DPY19L1: variants seen among roughly 807,000 people sequenced by gnomAD.
DPY19L1 encodes the protein dpy-19 like C-mannosyltransferase 1, also known as protein C-mannosyl-transferase DPY19L1.
DPY19L1 carries 35 observed loss-of-function variants against 96.9 expected under a neutral mutation model. The ratio of observed to expected loss-of-function variants is 0.36; its 90% CI spans 0.28 to 0.48. DPY19L1 has a LOEUF of 0.48. DPY19L1 is among the 20% of genes least tolerant of loss of function. The probability of loss-of-function intolerance (pLI) is 0.99; values close to 1 mark genes in which losing one functional copy is unlikely to be tolerated. For missense variants in DPY19L1, 521 were observed against 777.9 expected (o/e 0.67, Z 3.93); for synonymous variants, 205 against 252.6 (o/e 0.81, Z 1.79).
chr7:35,030,038 G>A (rs1786223279), intron 1 of DPY19L1, among the ~76,000 whole-genome samples: 1 of 152,050 alleles, frequency 6.6e-6, no homozygotes, highest in Non-Finnish European at 1.5e-5. Context: ...ACATTCCCAT[G>A]GATATGAAAG....
chr7:34,931,901 C>T (rs1484256246), intron 21 of DPY19L1, among the ~76,000 whole-genome samples, 172 bp from the exon 22 acceptor site: 1 of 152,174 alleles, frequency 6.6e-6, no homozygotes, highest in Non-Finnish European at 1.5e-5. Context: ...CCATGACTCA[C>T]CTTAGGACAA....
At chr7:35,017,444 G>A (rs1379817225) in intron 3 of DPY19L1, among the ~76,000 whole-genome samples, 2 of 144,664 alleles carry the variant, frequency 1.4e-5, no homozygotes, top group Non-Finnish European at 3.0e-5. Flanking sequence ...GCAGTGAGCC[G>A]AGATTGTGCC....
rs1224175305 is a variant in DPY19L1 at position 35,017,917 on chromosome 7, T to C, written c.376A>G (p.Thr126Ala). ...ENDRHFSHLS[T>A]LEREMAFRTE... ...CGAAAAGCCATCTCCCTTTCCAATG[T>C]TGAGAGGTGAGAAAAATGACGGTCA... The change falls in exon 3 of 22, where the codon ACA (threonine) becomes GCA (alanine). Residue 126 changes from threonine (T) to alanine (A), a missense_variant. Physicochemically the swap from Thr to Ala is moderately conservative, Grantham distance 58 (BLOSUM62 0). Transcript: ENST00000638088. 3 of 1,607,366 alleles carry C rather than the reference T, an allele frequency of 1.9e-6. No individual in the cohort carries two copies. Among genetic ancestry groups the C allele is most frequent in the Non-Finnish European group, 2.5e-6 (3 of 1,176,562 alleles).
At chr7:35,033,856 G>T (rs1786322980) in intron 1 of DPY19L1, among the ~76,000 whole-genome samples, 1 of 152,002 alleles carries the variant, frequency 6.6e-6, no homozygotes, top group Non-Finnish European at 1.5e-5. Context: ...GGGTACAATG[G>T]CCAAAATCTG....
At chr7:34,991,483 G>C (rs1584241484) in intron 6 of DPY19L1, among the ~76,000 whole-genome samples, 1 of 152,200 alleles carries the variant, frequency 6.6e-6, no homozygotes, top group Non-Finnish European at 1.5e-5. Context: ...GGACGCCAGG[G>C]TTCTCTCCTG....
intron 10 of DPY19L1, among the ~76,000 whole-genome samples, chr7:34,960,140 A>G (rs1453926208): frequency 6.6e-6 from 1 of 151,426 alleles, no homozygotes; most frequent in Non-Finnish European, 1.5e-5. Flanking sequence ...TCCATATTCT[A>G]GAAGTTTTAT....
At position 35,037,448 on chromosome 7, in the gene DPY19L1, G is replaced by A. The variant is rs1334084964; in HGVS notation, c.-54C>T. 6.4e-6 allele frequency: 2 copies of A among 312,554 alleles called. No individual in the cohort carries two copies. The highest frequency in any genetic ancestry group is 2.2e-5 in the African/African-American group (1 of 45,152). The allele number at this position is 312,554 out of a possible 1,614,324, so 19.4% of individuals were successfully genotyped here. A position where few individuals can be genotyped will look rare whatever the true frequency, so the allele number is the denominator to read the frequency against. On this transcript the variant is annotated 5_prime_UTR_variant, in exon 1 of 22. Coordinates refer to ENST00000638088, the MANE Select transcript of DPY19L1 (RefSeq NM_001366673.1). ...CGCGCCCGGACGGCGGCCAGAGAAC[G>A]GCGGGCTGGCTGGGCGGCTGGGCGC...
At chr7:34,957,432 CA>C (rs1247766508) in intron 11 of DPY19L1, among the ~76,000 whole-genome samples, 3 of 152,052 alleles carry the variant, frequency 2.0e-5, no homozygotes, top group Non-Finnish European at 4.4e-5. Flanking sequence ...CCATATGTAG[CA>C]GAAAGAATTA....
chr7:35,031,112 C>A (rs1422808525), intron 1 of DPY19L1, among the ~76,000 whole-genome samples: 1 of 152,154 alleles, frequency 6.6e-6, no homozygotes, highest in Non-Finnish European at 1.5e-5. Context: ...CCATTTGGAA[C>A]TATGTACACA....
chr7:34,954,719 T>A lies in DPY19L1; in HGVS notation c.1299A>T (p.Lys433Asn). The change falls in exon 13 of 22, where the codon AAA (lysine) becomes AAT (asparagine). Residue 433 changes from lysine (K) to asparagine (N), a missense_variant. Transcript: ENST00000638088. ...TTACGTCATCTGCAATACCAAAAAT[T>A]TTAGATGTCAAGTATTTAAGTATGA... ...GTVILKYLTS[K>N]IFGIADDAHI... 1 of 1,565,764 alleles carries A rather than the reference T, an allele frequency of 6.4e-7. No individual in the cohort carries two copies. Among genetic ancestry groups the A allele is most frequent in the Non-Finnish European group, 8.7e-7 (1 of 1,148,486 alleles).
chr7:34,929,528 C>T lies in DPY19L1; in HGVS notation c.*2045G>A, dbSNP rs780802229. On this transcript the variant is annotated 3_prime_UTR_variant, in exon 22 of 22. Transcript: ENST00000638088. ...AGAATTTCTACTTATTACATGTGAACTTCTTTGGAAGGAAATTACTGGGGG... is the reference window on the plus strand; with the variant it reads ...AGAATTTCTACTTATTACATGTGAATTTCTTTGGAAGGAAATTACTGGGGG... 7 of 152,088 alleles carry T rather than the reference C, an allele frequency of 4.6e-5. No individual in the cohort carries two copies. The highest frequency in any genetic ancestry group is 7.4e-5 in the Non-Finnish European group (5 of 68,004). 9.4% of individuals were successfully genotyped at this position (152,088 alleles called of 1,614,324 possible).
At chr7:35,020,370 T>C (rs935765496) in intron 1 of DPY19L1, among the ~76,000 whole-genome samples, 1 of 152,216 alleles carries the variant, frequency 6.6e-6, no homozygotes, top group Non-Finnish European at 1.5e-5. Flanking sequence ...AGAGCCTTCA[T>C]ATCCATAAAT....
At chr7:34,999,578 G>T (rs988946036) in intron 6 of DPY19L1, among the ~76,000 whole-genome samples, 1 of 152,158 alleles carries the variant, frequency 6.6e-6, no homozygotes, top group Non-Finnish European at 1.5e-5. Context: ...AACTCCAAGG[G>T]AATCGCTAAA....
intron 17 of DPY19L1, among the ~76,000 whole-genome samples, chr7:34,942,248 G>A (rs1188756801): frequency 6.6e-6 from 1 of 152,108 alleles, no homozygotes; most frequent in African/African-American, 2.4e-5. Flanking sequence ...CTCAAAACCA[G>A]ACTGGACAAC....
chr7:34,984,347 C>A (rs181625776), intron 7 of DPY19L1, among the ~76,000 whole-genome samples: 80 of 152,022 alleles, frequency 5.3e-4, no homozygotes, highest in Middle Eastern at 3.4e-3. Context: ...GAGGCATATA[C>A]AAAGCATAGG....
rs748147037 is a variant in DPY19L1, at chr7:34,929,531, C to A, written c.*2042G>T. The A allele has an allele frequency of 9.9e-5, 15 of 152,098 alleles. No homozygotes were observed. The highest frequency in any genetic ancestry group is 2.1e-4 in the Non-Finnish European group (14 of 68,012). The allele number at this position is 152,098 out of a possible 1,614,324, so 9.4% of individuals were successfully genotyped here. ...ATTTCTACTTATTACATGTGAACTT[C>A]TTTGGAAGGAAATTACTGGGGGTGA... On this transcript the variant is annotated 3_prime_UTR_variant, in exon 22 of 22. Coordinates refer to ENST00000638088, the MANE Select transcript of DPY19L1 (RefSeq NM_001366673.1).
chr7:35,001,817 C>A (rs1381051587), intron 6 of DPY19L1, among the ~76,000 whole-genome samples: 1 of 151,902 alleles, frequency 6.6e-6, no homozygotes, highest in Middle Eastern at 3.2e-3. Context: ...AAGGTAGAGA[C>A]CAAAGGATGT....
chr7:35,021,805 C>T (rs1260448165), intron 1 of DPY19L1, among the ~76,000 whole-genome samples: 1 of 152,042 alleles, frequency 6.6e-6, no homozygotes, highest in Non-Finnish European at 1.5e-5. Context: ...AGTATTCCTA[C>T]TCTCCCCTCC....
At chr7:34,975,981 G>T (rs553328662) in intron 7 of DPY19L1, among the ~76,000 whole-genome samples, 2 of 152,152 alleles carry the variant, frequency 1.3e-5, no homozygotes, top group Non-Finnish European at 2.9e-5. Context: ...GGGTGGAGAC[G>T]GATGAGGTGA....
Sources: gnomAD v4.1 joint callset for allele counts (sites outside exome capture counted in the v4.1 genomes callset) on GRCh38, gnomAD v4.1.1 for gene constraint, MANE v1.5 for transcripts, NCBI Gene and HGNC (gene_info 2026-07-23, HGNC 2026-07-21) for gene names.